Variants in ZNF490 observed in about 807,000 individuals in gnomAD.
ZNF490 encodes the protein zinc finger protein 490.
Under a neutral mutation model 17.7 loss-of-function variants are expected in ZNF490, and 11 were observed. That is an observed-to-expected ratio of 0.62 (90% CI 0.39 to 1.03). The LOEUF (loss-of-function observed/expected upper bound fraction) is 1.03. Ranked by LOEUF, ZNF490 falls within the 50% of genes least tolerant of loss-of-function variation. The pLI is 0.00. For synonymous variants in ZNF490, 222 were observed against 216.1 expected (o/e 1.03, Z -0.24); for missense variants, 542 against 643.4 (o/e 0.84, Z 1.71).
At position 12,586,868 on chromosome 19, in the gene ZNF490, C is replaced by G. The variant is rs1245416735; in HGVS notation, c.163-3312G>C. 6.5e-5 allele frequency among the ~76,000 whole-genome samples: 6 copies of G among 91,930 alleles called. 2 individuals are homozygous for G. The highest frequency in any genetic ancestry group is 5.9e-3 in the Middle Eastern group (1 of 170). 60.3% of individuals were successfully genotyped at this position (91,930 alleles called of 152,430 possible). Reference sequence around the variant, plus strand: ...GGAGGACCTCTTGAGGTCAGGAGTTCAAGACCAGCCTGACCAACATGGAGA... The same window carrying G: ...GGAGGACCTCTTGAGGTCAGGAGTTGAAGACCAGCCTGACCAACATGGAGA... On this transcript the variant is annotated intron_variant, in intron 2 of 4. Coordinates refer to ENST00000311437, the MANE Select transcript of ZNF490 (RefSeq NM_020714.3).
intron 2 of ZNF490, among the ~76,000 whole-genome samples, chr19:12,595,183 C>A (rs1006181549): frequency 5.9e-5 from 9 of 152,028 alleles, no homozygotes; most frequent in African/African-American, 1.9e-4. Flanking sequence ...CTCTTGTTGT[C>A]CCTGCTGGAG....
Position 12,585,346 on chromosome 19 carries a change from T to G in ZNF490, c.163-1790A>C, listed in dbSNP as rs2022799104. ...CATTTGAGGTCAGGAGTCCAAGCAC[T>G]AAACCTCCAGCCCTTTTTCTCTCCC... On this transcript the variant is annotated intron_variant, in intron 2 of 4. Transcript: ENST00000311437. Among the ~76,000 whole-genome samples the G allele has an allele frequency of 2.2e-5, 2 of 92,858 alleles. 1 individual carries two copies. Among genetic ancestry groups the G allele is most frequent in the African/African-American group, 6.5e-5 (2 of 30,884 alleles). The allele number at this position is 92,858 out of a possible 152,430, so 60.9% of individuals were successfully genotyped here.
intron 2 of ZNF490, among the ~76,000 whole-genome samples, chr19:12,593,529 C>A (rs183746171): frequency 7.8e-4 from 119 of 152,208 alleles, no homozygotes; most frequent in Non-Finnish European, 3.4e-4. Flanking sequence ...CAATTACAGG[C>A]GTGAGCCACC....
chr19:12,578,038 C>T lies in ZNF490; in HGVS notation c.*2447G>A. 1.0e-6 allele frequency: 1 copy of T among 985,354 alleles called. No individual in the cohort carries two copies. Among genetic ancestry groups the T allele is most frequent in the East Asian group, 1.1e-4 (1 of 8,806 alleles). 61.0% of individuals were successfully genotyped at this position (985,354 alleles called of 1,614,324 possible). On this transcript the variant is annotated 3_prime_UTR_variant, in exon 5 of 5. Transcript: ENST00000311437. The stretch of plus-strand genomic sequence containing the variant: ...CAAGGTAGTTCCATGGCTTGTGAAC[C>T]CTGACACCAGCACCTCCCATACACA...
At chr19:12,593,254 T>A (rs1264377608) in intron 2 of ZNF490, among the ~76,000 whole-genome samples, 2 of 151,866 alleles carry the variant, frequency 1.3e-5, no homozygotes, top group African/African-American at 4.8e-5. Context: ...GGGTTTTTTT[T>A]TTTTTCCCTT....
chr19:12,577,185 A>G lies in ZNF490; in HGVS notation c.*3300T>C, dbSNP rs1028360332. On this transcript the variant is annotated 3_prime_UTR_variant, in exon 5 of 5. Transcript: ENST00000311437. ...ATTAGAGGGAGTTACACAGAGGAAA[A>G]TACTTACTGAATATTAGGACTCACA... is the stretch of plus-strand genomic sequence containing the variant. Among the ~76,000 whole-genome samples, 2 of 152,158 alleles carry G rather than the reference A, an allele frequency of 1.3e-5. No homozygotes were observed. Among genetic ancestry groups the G allele is most frequent in the East Asian group, 3.9e-4 (2 of 5,192 alleles).
chr19:12,610,721 T>C lies in ZNF490; in HGVS notation c.-41A>G. The C allele has an allele frequency of 6.3e-7, 1 of 1,582,570 alleles. No homozygotes were observed. The highest frequency in any genetic ancestry group is 2.2e-5 in the East Asian group (1 of 44,734). On this transcript the variant is annotated 5_prime_UTR_variant, in exon 1 of 5. Transcript: ENST00000311437. ...CAGAAACACTGCAGGAAGACTTCCG[T>C]GTCCGACCCGAGATCCGGAACAATT...
chr19:12,595,164 C>T (rs887823202), intron 2 of ZNF490, among the ~76,000 whole-genome samples: 4 of 151,652 alleles, frequency 2.6e-5, no homozygotes, highest in African/African-American at 9.7e-5. Context: ...TTTTTGAGAC[C>T]GAGTTTCGCT....
At position 12,578,051 on chromosome 19, in the gene ZNF490, C is replaced by G; in HGVS notation, c.*2434G>C. 1 of 985,406 alleles carries G rather than the reference C, an allele frequency of 1.0e-6. No homozygotes were observed. Among genetic ancestry groups the G allele is most frequent in the Non-Finnish European group, 1.2e-6 (1 of 829,958 alleles). 61.0% of individuals were successfully genotyped at this position (985,406 alleles called of 1,614,324 possible). Reference sequence around the variant, plus strand: ...TGGCTTGTGAACCCTGACACCAGCACCTCCCATACACAACAGAGCTGGAGC... The same window carrying G: ...TGGCTTGTGAACCCTGACACCAGCAGCTCCCATACACAACAGAGCTGGAGC... On this transcript the variant is annotated 3_prime_UTR_variant, in exon 5 of 5. Transcript: ENST00000311437.
intron 2 of ZNF490, among the ~76,000 whole-genome samples, chr19:12,587,733 C>T (rs1406987437): frequency 1.1e-5 from 1 of 92,360 alleles, no homozygotes; most frequent in African/African-American, 3.3e-5. Flanking sequence ...TCTCACTCTG[C>T]CACCCAGGCT....
Position 12,609,191 on chromosome 19 carries a change from A to T in ZNF490, c.129T>A (p.Ser43Arg). The T allele has an allele frequency of 6.2e-7, 1 of 1,614,088 alleles. No homozygotes were observed. The highest frequency in any genetic ancestry group is 8.5e-7 in the Non-Finnish European group (1 of 1,179,980). The change falls in exon 2 of 5, where the codon AGT becomes AGA. Residue 43 changes from serine (S) to arginine (R), a missense_variant. Transcript: ENST00000311437. Reference protein sequence around the residue: ...GGSDVLQMQNSEHHGQSIKTQ... With the variant: ...GGSDVLQMQNREHHGQSIKTQ... ...TCTTGATGCTTTGTCCATGGTGTTCACTGTTCTGCATCTAATTAGAAACAA... is the reference window on the plus strand; with the variant it reads ...TCTTGATGCTTTGTCCATGGTGTTCTCTGTTCTGCATCTAATTAGAAACAA...
chr19:12,583,050 T>C, intron 3 of ZNF490, 140 bp from the exon 4 acceptor site: 2 of 772,880 alleles, frequency 2.6e-6, no homozygotes, highest in Non-Finnish European at 3.9e-6. Flanking sequence ...CCCACATTTT[T>C]TTTTTTTTTT....
At chr19:12,610,264 C>G (rs2023130363) in intron 1 of ZNF490, among the ~76,000 whole-genome samples, 1 of 150,668 alleles carries the variant, frequency 6.6e-6, no homozygotes. Flanking sequence ...AACTCAAACT[C>G]CTGGAGTCAA....
chr19:12,599,756 G>A (rs2022979061), intron 2 of ZNF490, among the ~76,000 whole-genome samples: 3 of 151,322 alleles, frequency 2.0e-5, no homozygotes, highest in African/African-American at 7.4e-5. Context: ...ATGGGAATGT[G>A]GATTTTTTTT....
chr19:12,593,368 C>G (rs1281291656), intron 2 of ZNF490, among the ~76,000 whole-genome samples: 3 of 152,028 alleles, frequency 2.0e-5, no homozygotes, highest in Non-Finnish European at 4.4e-5. Context: ...CTGCCTCAGC[C>G]TCCTGAGTAG....
At chr19:12,583,660 G>C (rs2022769381) in intron 2 of ZNF490, 104 bp from the exon 3 acceptor site, 1 of 1,218,772 alleles carries the variant, frequency 8.2e-7, no homozygotes, top group Non-Finnish European at 1.1e-6. Context: ...TGTAGTCTCG[G>C]TTTAGTGGTA....
At position 12,585,338 on chromosome 19, in the gene ZNF490, C is replaced by T. The variant is rs1435229577; in HGVS notation, c.163-1782G>A. Among the ~76,000 whole-genome samples, 5 of 92,782 alleles carry T rather than the reference C, an allele frequency of 5.4e-5. 2 individuals carry two copies. Among genetic ancestry groups the T allele is most frequent in the Non-Finnish European group, 1.4e-4 (5 of 34,546 alleles). 60.9% of individuals were successfully genotyped at this position (92,782 alleles called of 152,430 possible). Reference sequence around the variant, plus strand: ...GGGCAGATCATTTGAGGTCAGGAGTCCAAGCACTAAACCTCCAGCCCTTTT... The same window carrying T: ...GGGCAGATCATTTGAGGTCAGGAGTTCAAGCACTAAACCTCCAGCCCTTTT... On this transcript the variant is annotated intron_variant, in intron 2 of 4. Coordinates refer to ENST00000311437, the MANE Select transcript of ZNF490 (RefSeq NM_020714.3).
At chr19:12,598,628 C>T (rs1236637745) in intron 2 of ZNF490, among the ~76,000 whole-genome samples, 5 of 151,506 alleles carry the variant, frequency 3.3e-5, no homozygotes, top group African/African-American at 1.2e-4. Context: ...CTGCCCGCCT[C>T]GGCCTCCCAA....
intron 2 of ZNF490, among the ~76,000 whole-genome samples, chr19:12,597,590 TTGAA>T (rs934533985): frequency 2.0e-5 from 3 of 152,182 alleles, no homozygotes; most frequent in Admixed American, 1.3e-4. Flanking sequence ...TCTTTATTGA[TTGAA>T]TAACATCCCA....
Sources: gnomAD v4.1 joint callset for allele counts (sites outside exome capture counted in the v4.1 genomes callset) on GRCh38, gnomAD v4.1.1 for gene constraint, MANE v1.5 for transcripts, NCBI Gene and HGNC (gene_info 2026-07-23, HGNC 2026-07-21) for gene names.